MLXIPL: variants seen among roughly 807,000 people sequenced by gnomAD.
MLXIPL encodes the protein carbohydrate-responsive element-binding protein.
MLXIPL carries 49 observed loss-of-function variants against 81.5 expected under a neutral mutation model. That is an observed-to-expected ratio of 0.60 (90% CI 0.48 to 0.76). The LOEUF (loss-of-function observed/expected upper bound fraction) is 0.76, where lower values mean the gene tolerates loss of function less well. Among genes scored for constraint, MLXIPL ranks in the 30% least tolerant of loss-of-function variants. The pLI, the probability that MLXIPL is intolerant of heterozygous loss-of-function variation, is 0.00. For synonymous variants in MLXIPL, 466 were observed against 485.5 expected, an observed-to-expected ratio of 0.96 and a Z score of 0.53; for missense variants, 1,053 against 1,167.0, an observed-to-expected ratio of 0.90 and a Z score of 1.42.
chr7:73,643,341 C>T, the MLXIPL span, among the ~76,000 whole-genome samples: 7 of 151,970 alleles, frequency 4.6e-5, no homozygotes, highest in African/African-American at 1.5e-4. Flanking sequence ...AGTGAAACCC[C>T]GTCTCTACTA....
At chr7:73,598,546 G>A in intron 8 of MLXIPL, among the ~76,000 whole-genome samples, 1 of 152,134 alleles carries the variant, frequency 6.6e-6, no homozygotes, top group East Asian at 1.9e-4. Context: ...AGTCTAAGAT[G>A]CATCTATCCA....
At chr7:73,602,167 T>TTC (rs1554596522) in intron 7 of MLXIPL, among the ~76,000 whole-genome samples, 31 of 22,750 alleles carry the variant, frequency 1.4e-3, no homozygotes, top group African/African-American at 3.9e-3. Context: ...TTCCTTCCTT[T>TTC]CTTTCCCTCT....
chr7:73,606,802 C>G, intron 5 of MLXIPL, 172 bp downstream of exon 5: 1 of 748,854 alleles, frequency 1.3e-6, no homozygotes, highest in Non-Finnish European at 2.2e-6. Flanking sequence ...CCCTCACCCC[C>G]CAAGAAGAGA....
intron 7 of MLXIPL, among the ~76,000 whole-genome samples, chr7:73,601,897 C>T (rs1258873815): frequency 6.6e-6 from 1 of 152,008 alleles, no homozygotes; most frequent in Non-Finnish European, 1.5e-5. Context: ...GTCGCTGAAC[C>T]CTGGAGTCTC....
chr7:73,603,119 A>G (rs1795014056), intron 7 of MLXIPL, among the ~76,000 whole-genome samples: 1 of 151,716 alleles, frequency 6.6e-6, no homozygotes, highest in Non-Finnish European at 1.5e-5. Context: ...CTGCCTCCAT[A>G]GAGTTCTGGT....
chr7:73,597,730 A>G lies in MLXIPL; in HGVS notation c.1072-17T>C. The G allele has an allele frequency of 7.5e-7, 1 of 1,338,592 alleles. No individual in the cohort carries two copies. The highest frequency in any genetic ancestry group is 2.5e-5 in the South Asian group (1 of 39,606). The allele number at this position is 1,338,592 out of a possible 1,614,324, so 82.9% of individuals were successfully genotyped here. A position where few individuals can be genotyped will look rare whatever the true frequency, so the allele number is the denominator to read the frequency against. On this transcript the variant is annotated splice_polypyrimidine_tract_variant and intron_variant, in intron 8 of 16. Transcript: ENST00000313375. ...GTTCCGAGCCTGGTTGGGGGGACAG[A>G]CAGACACTCAGAGAGCAGGGGAGAG...
chr7:73,631,057 G>C, the MLXIPL span, among the ~76,000 whole-genome samples: 1 of 150,610 alleles, frequency 6.6e-6, no homozygotes, highest in East Asian at 1.9e-4. Context: ...CACCCAGGCT[G>C]GAGTGCAGTG....
chr7:73,599,458 G>A, intron 8 of MLXIPL, 68 bp downstream of exon 8: 1 of 1,576,256 alleles, frequency 6.3e-7, no homozygotes, highest in Non-Finnish European at 8.7e-7. Flanking sequence ...ATACCTCCTG[G>A]ACATGAACAG....
In MLXIPL at chr7:73,596,862, T is replaced by C; in HGVS notation, c.1671+3A>G. On this transcript the variant is annotated splice_donor_region_variant and intron_variant, in intron 10 of 16. Transcript: ENST00000313375. The surrounding 1 kb of genome is among the most constrained non-coding windows in gnomAD (Gnocchi z 4.7). ...CCCCACCGCCCAGTGCCCGAGATCT[T>C]ACCGGGGACCCTGGGGACCGGAGGA... 6.2e-7 allele frequency: 1 copy of C among 1,611,312 alleles called. No homozygotes were observed. The highest frequency in any genetic ancestry group is 8.5e-7 in the Non-Finnish European group (1 of 1,179,494).
chr7:73,597,451 C>T lies in MLXIPL; in HGVS notation c.1334G>A (p.Gly445Glu). Reference protein sequence around the residue: ...FPFPTVPPAPGVSPLPAPAAF... With the variant: ...FPFPTVPPAPEVSPLPAPAAF... ...TGCAGGAGCAGGCAGCGGAGACACTCCTGGGGCAGGAGGGACGGTGGGGAA... is the reference window on the plus strand; with the variant it reads ...TGCAGGAGCAGGCAGCGGAGACACTTCTGGGGCAGGAGGGACGGTGGGGAA... Residue 445 changes from glycine (G) to glutamate (E), a missense_variant, in exon 9 of 17, where the codon GGA (glycine) becomes GAA (glutamate). By Grantham distance (98) the Gly-to-Glu change is moderately conservative. Transcript: ENST00000313375. 7.0e-7 allele frequency: 1 copy of T among 1,426,932 alleles called. No homozygotes were observed. Among genetic ancestry groups the T allele is most frequent in the Non-Finnish European group, 9.2e-7 (1 of 1,086,876 alleles). 88.4% of individuals were successfully genotyped at this position (1,426,932 alleles called of 1,614,324 possible).
intron 7 of MLXIPL, among the ~76,000 whole-genome samples, chr7:73,605,079 T>C (rs1795173069): frequency 6.6e-6 from 1 of 152,188 alleles, no homozygotes; most frequent in Non-Finnish European, 1.5e-5. Context: ...CAAATAGTTT[T>C]AAAATGCATT....
chr7:73,598,302 A>C (rs1452541657), intron 8 of MLXIPL, among the ~76,000 whole-genome samples: 1 of 152,066 alleles, frequency 6.6e-6, no homozygotes, highest in African/African-American at 2.4e-5. Context: ...AGCCTACCAG[A>C]TATTAACATA....
At chr7:73,646,087 A>G in the MLXIPL span, among the ~76,000 whole-genome samples, 1 of 152,104 alleles carries the variant, frequency 6.6e-6, no homozygotes, top group East Asian at 1.9e-4. Flanking sequence ...CTTTGGCCCT[A>G]ACCAGAGAGT....
intron 7 of MLXIPL, among the ~76,000 whole-genome samples, chr7:73,602,211 C>CCCTT (rs1794927299): frequency 7.5e-6 from 1 of 133,200 alleles, no homozygotes; most frequent in Non-Finnish European, 1.6e-5. Context: ...CTCTCTTTCT[C>CCCTT]TCTTTCTTTC....
At chr7:73,624,634 G>C (rs1268142618), upstream of MLXIPL, 11 of 1,366,044 alleles carry the variant, frequency 8.1e-6, no homozygotes, top group Non-Finnish European at 1.0e-5. Flanking sequence ...GGCGGGGCTT[G>C]TATTAGCATA....
the MLXIPL span, among the ~76,000 whole-genome samples, chr7:73,632,182 T>G: frequency 2.0e-5 from 3 of 151,510 alleles, no homozygotes; most frequent in Admixed American, 6.6e-5. Context: ...TTATTTTTTT[T>G]GTAGAGGTGG....
upstream of MLXIPL, among the ~76,000 whole-genome samples, chr7:73,626,847 C>T (rs1040307044): frequency 3.9e-5 from 6 of 152,116 alleles, no homozygotes; most frequent in Admixed American, 2.0e-4. Context: ...TTAGGGAAAG[C>T]GGAGGAGGTG....
chr7:73,644,865 G>A, the MLXIPL span, among the ~76,000 whole-genome samples: 1 of 152,132 alleles, frequency 6.6e-6, no homozygotes, highest in Non-Finnish European at 1.5e-5. Flanking sequence ...GCCCCATGCC[G>A]GCCCCATCAG....
At chr7:73,621,680 TCTCCCTCCCTCCCTCCATCTCC>T (rs1796361050) in intron 1 of MLXIPL, among the ~76,000 whole-genome samples, 1 of 139,972 alleles carries the variant, frequency 7.1e-6, no homozygotes, top group African/African-American at 2.7e-5. Flanking sequence ...TCTCCCTCCA[TCTCCCTCCCTCCCTCCATCTCC>T]CTCCCTCCCT....
Sources: gnomAD v4.1 joint callset for allele counts (sites outside exome capture counted in the v4.1 genomes callset) on GRCh38, gnomAD v4.1.1 for gene constraint, Gnocchi (gnomAD v3.1) non-coding constraint, MANE v1.5 for transcripts, NCBI Gene and HGNC (gene_info 2026-07-23, HGNC 2026-07-21) for gene names.